Variants in TDRD9 observed in about 807,000 individuals in gnomAD.
The protein encoded by TDRD9 is tudor domain containing 9.
TDRD9 carries 124 observed loss-of-function variants against 172.6 expected under a neutral mutation model. The ratio of observed to expected loss-of-function variants is 0.72; its 90% CI spans 0.62 to 0.83. The LOEUF (loss-of-function observed/expected upper bound fraction) is 0.83. Ranked by LOEUF, TDRD9 falls within the 40% of genes least tolerant of loss-of-function variation. The pLI, the probability that TDRD9 is intolerant of heterozygous loss-of-function variation, is 0.00. For synonymous variants in TDRD9, 619 were observed against 617.1 expected (o/e 1.00, Z -0.05); for missense variants, 1,479 against 1,714.1 (o/e 0.86, Z 2.42).
At position 104,008,716 on chromosome 14, in the gene TDRD9, A is replaced by G. The variant is rs189770450; in HGVS notation, c.2106+250A>G. Among the ~76,000 whole-genome samples the G allele has an allele frequency of 3.9e-5, 6 of 152,232 alleles. No individual in the cohort carries two copies. In the East Asian group the frequency reaches 9.7e-4, roughly 24 times the overall value. On this transcript the variant is annotated intron_variant, in intron 20 of 35. Coordinates refer to ENST00000409874, the MANE Select transcript of TDRD9 (RefSeq NM_153046.3). ...TCCCCTATGTATACTTTAATGAGGA[A>G]TGGTTGTGTCATCTTGTTGTATGTC... is the stretch of plus-strand genomic sequence containing the variant.
chr14:103,940,875 GT>G (rs2152119606), intron 1 of TDRD9: 1 of 1,535,280 alleles, frequency 6.5e-7, no homozygotes, highest in South Asian at 1.2e-5. Flanking sequence ...TGTCCTTTGT[GT>G]TTTTGTCTAC....
At chr14:103,952,561 A>G (rs1405730617) in intron 1 of TDRD9, among the ~76,000 whole-genome samples, 2 of 151,554 alleles carry the variant, frequency 1.3e-5, no homozygotes, top group East Asian at 3.9e-4. Flanking sequence ...TATATTTGCC[A>G]CAATAAAAAG....
rs1290357843 is a variant in TDRD9 at position 104,018,136 on chromosome 14, A to G, written c.2376A>G (p.Leu792=). Reference sequence around the variant, plus strand: ...ATGGATTTCTTTACTATAAACAACTACAGTCTCTCTTTAGACAGTGTGGTC... The same window carrying G: ...ATGGATTTCTTTACTATAAACAACTGCAGTCTCTCTTTAGACAGTGTGGTC... ...PPYGFLYYKQ[L]QSLFRQCGQV... The change falls in exon 23 of 36, where the codon CTA becomes CTG. Residue 792 remains leucine, a synonymous_variant. Coordinates refer to ENST00000409874, the MANE Select transcript of TDRD9 (RefSeq NM_153046.3). The G allele has an allele frequency of 1.9e-6, 3 of 1,609,062 alleles. No individual in the cohort carries two copies. Among genetic ancestry groups the G allele is most frequent in the South Asian group, 1.1e-5 (1 of 90,424 alleles).
Position 104,033,983 on chromosome 14 carries a change from G to T in TDRD9, c.3533G>T (p.Ser1178Ile). The T allele has an allele frequency of 2.6e-6, 4 of 1,550,768 alleles. No individual in the cohort carries two copies. The highest frequency in any genetic ancestry group is 2.6e-6 in the Non-Finnish European group (3 of 1,145,962). ...AGGTGTGTTTGGATTGAGAAGGAGA[G>T]CATCAACTCTGTCATTATCAGTGAC... Reference protein sequence around the residue: ...KFRCVWIEKESINSVIISDAP... With the variant: ...KFRCVWIEKEIINSVIISDAP... The change falls in exon 31 of 36, where the codon AGC (serine) becomes ATC (isoleucine). Residue 1178 changes from serine (S) to isoleucine (I), a missense_variant. Transcript: ENST00000409874.
At chr14:104,011,335 C>CGT (rs146445589) in intron 20 of TDRD9, among the ~76,000 whole-genome samples, 72 of 151,976 alleles carry the variant, frequency 4.7e-4, no homozygotes, top group African/African-American at 9.9e-4. Context: ...CTCTGGTTTA[C>CGT]GTGTGTGTGT....
chr14:104,008,913 T>A (rs536415274), intron 20 of TDRD9, among the ~76,000 whole-genome samples: 1 of 152,284 alleles, frequency 6.6e-6, no homozygotes, highest in East Asian at 1.9e-4. Context: ...GAGCCTGTCT[T>A]GAAAAAGAAA....
At chr14:104,042,488 G>A (rs1245375776) in intron 34 of TDRD9, among the ~76,000 whole-genome samples, 1 of 152,134 alleles carries the variant, frequency 6.6e-6, no homozygotes, top group East Asian at 1.9e-4. Flanking sequence ...GATTGGGGGA[G>A]TCCGGCTTGT....
intron 1 of TDRD9, among the ~76,000 whole-genome samples, chr14:103,948,483 C>T (rs2031691054): frequency 6.6e-6 from 1 of 152,114 alleles, no homozygotes; most frequent in African/African-American, 2.4e-5. Context: ...CCAGCAATTT[C>T]ACTTTTGGGT....
At chr14:103,972,319 A>C (rs1332298857) in intron 6 of TDRD9, among the ~76,000 whole-genome samples, 1 of 152,184 alleles carries the variant, frequency 6.6e-6, no homozygotes, top group African/African-American at 2.4e-5. Flanking sequence ...AAAAAAAACA[A>C]AAACAAAACA....
At chr14:104,003,654 C>T (rs1274751031) in intron 13 of TDRD9, among the ~76,000 whole-genome samples, 2 of 152,144 alleles carry the variant, frequency 1.3e-5, no homozygotes, top group African/African-American at 2.4e-5. Flanking sequence ...GTTGCTACTT[C>T]ATAGGTGATA....
chr14:103,975,904 C>T (rs1014785976), intron 7 of TDRD9, among the ~76,000 whole-genome samples: 7 of 152,186 alleles, frequency 4.6e-5, no homozygotes, highest in South Asian at 2.1e-4. Context: ...CTCTAGAACA[C>T]GAAAACTGGG....
rs572166395 is a variant in TDRD9 at position 103,935,719 on chromosome 14, G to A, written c.215+6995G>A. Among the ~76,000 whole-genome samples the A allele has an allele frequency of 5.9e-5, 9 of 152,274 alleles. No homozygotes were observed. The South Asian group carries it at 1.7e-3, about 28-fold the overall frequency. ...TTTATAGGTGGATGAGTTGCAGTGA[G>A]AAAAGGAGACTGAGAACAAGTGGTC... On this transcript the variant is annotated intron_variant, in intron 1 of 35. Transcript: ENST00000409874.
In TDRD9 at chr14:104,042,207, G is replaced by A. The variant is rs748017866; in HGVS notation, c.3974+20G>A. The stretch of plus-strand genomic sequence containing the variant: ...TTTAGGGTAAGCTGTGTGATGACGC[G>A]GGCTTCTTTTCTTCCCAGTCAACTT... On this transcript the variant is annotated intron_variant, in intron 34 of 35. Transcript: ENST00000409874. 20 of 1,535,748 alleles carry A rather than the reference G, an allele frequency of 1.3e-5. No homozygotes were observed. Among genetic ancestry groups the A allele is most frequent in the South Asian group, 9.0e-5 (8 of 88,960 alleles).
At chr14:104,051,542 G>A (rs1011405133) in intron 35 of TDRD9, among the ~76,000 whole-genome samples, 1 of 152,220 alleles carries the variant, frequency 6.6e-6, no homozygotes, top group African/African-American at 2.4e-5. Context: ...GCTTTCCACA[G>A]TGGCTGAACT....
chr14:103,980,980 T>C lies in TDRD9; in HGVS notation c.1012-5237T>C, dbSNP rs2033451585. Reference sequence around the variant, plus strand: ...ATTATAATATTGGAATAAAGAGTAATTACTACAAACTAATGATTAATGATA... The same window carrying C: ...ATTATAATATTGGAATAAAGAGTAACTACTACAAACTAATGATTAATGATA... On this transcript the variant is annotated intron_variant, in intron 7 of 35. Transcript: ENST00000409874. This position sits in a 1 kb window ranked among gnomAD's most constrained non-coding sequence, Gnocchi z 4.5. 6.8e-6 allele frequency among the ~76,000 whole-genome samples: 1 copy of C among 147,790 alleles called. No individual in the cohort carries two copies. The highest frequency in any genetic ancestry group is 2.7e-5 in the African/African-American group (1 of 37,272).
At chr14:103,942,164 G>A (rs1364910014) in intron 1 of TDRD9, 2 of 162,162 alleles carry the variant, frequency 1.2e-5, no homozygotes, top group Non-Finnish European at 2.7e-5. Flanking sequence ...GTGTTTCACT[G>A]GGACGTATCT....
At position 103,994,312 on chromosome 14, in the gene TDRD9, T is replaced by C. The variant is rs770496085; in HGVS notation, c.1181-20T>C. On this transcript the variant is annotated intron_variant, in intron 9 of 35. Transcript: ENST00000409874. Reference sequence around the variant, plus strand: ...AATACAAACATGTTTATTTCCCTCCTCCACTTTTTTCTTCCCTAGGTCTGG... The same window carrying C: ...AATACAAACATGTTTATTTCCCTCCCCCACTTTTTTCTTCCCTAGGTCTGG... 6.2e-7 allele frequency: 1 copy of C among 1,609,130 alleles called. No homozygotes were observed. The highest frequency in any genetic ancestry group is 1.1e-5 in the South Asian group (1 of 90,882).
intron 1 of TDRD9, among the ~76,000 whole-genome samples, chr14:103,937,153 CAT>C (rs759504750): frequency 2.0e-5 from 3 of 152,192 alleles, no homozygotes; most frequent in Non-Finnish European, 2.9e-5. Flanking sequence ...TCTTTGAGCA[CAT>C]GTGTGATCTC....
chr14:104,039,570 G>A (rs1566802236), intron 32 of TDRD9, among the ~76,000 whole-genome samples: 2 of 152,202 alleles, frequency 1.3e-5, no homozygotes, highest in Non-Finnish European at 2.9e-5. Flanking sequence ...TAAGAGATGG[G>A]GAATTGGTCG....
Sources: gnomAD v4.1 joint callset for allele counts (sites outside exome capture counted in the v4.1 genomes callset) on GRCh38, gnomAD v4.1.1 for gene constraint, Gnocchi (gnomAD v3.1) non-coding constraint, MANE v1.5 for transcripts, NCBI Gene and HGNC (gene_info 2026-07-23, HGNC 2026-07-21) for gene names.